Variants in ZNF536 observed in about 807,000 individuals in gnomAD.
ZNF536 encodes the protein zinc finger protein 536.
Under a neutral mutation model 84.5 loss-of-function variants are expected in ZNF536, and 13 were observed. The observed-to-expected ratio is 0.15, with a 90% CI of 0.10 to 0.24. ZNF536 has a LOEUF of 0.24. Ranked by LOEUF, ZNF536 falls within the 10% of genes least tolerant of loss-of-function variation. The pLI is 1.00. For missense variants in ZNF536, 1,536 were observed against 1,747.5 expected (o/e 0.88, Z 2.16); for synonymous variants, 811 against 742.5 (o/e 1.09, Z -1.50).
At chr19:30,495,073 G>A (rs2054664968) in intron 2 of ZNF536, among the ~76,000 whole-genome samples, 1 of 152,062 alleles carries the variant, frequency 6.6e-6, no homozygotes, top group Non-Finnish European at 1.5e-5. Flanking sequence ...TAGGCTAAGA[G>A]TCAGCAGACC....
At chr19:30,352,742 G>T (rs62101915) in intron 3 of ZNF536, among the ~76,000 whole-genome samples, 1,536 of 152,234 alleles carry the variant, frequency 0.01, 7 homozygotes, top group Middle Eastern at 0.017. Flanking sequence ...GTTTGGGGAT[G>T]GGTGGGGAAG....
chr19:30,517,714 C>T (rs761636835), intron 2 of ZNF536, among the ~76,000 whole-genome samples: 2 of 151,922 alleles, frequency 1.3e-5, no homozygotes, highest in Non-Finnish European at 2.9e-5. Context: ...CCCAGGAGGT[C>T]GAGGCTGCAG....
At chr19:30,612,369 C>A (rs1367907220) in intron 1 of ZNF536, among the ~76,000 whole-genome samples, 1 of 152,176 alleles carries the variant, frequency 6.6e-6, no homozygotes, top group Non-Finnish European at 1.5e-5. Flanking sequence ...CCCAACATTT[C>A]TATCCCCAAG....
chr19:30,680,020 G>A (rs888150170), intron 1 of ZNF536, among the ~76,000 whole-genome samples: 2 of 152,194 alleles, frequency 1.3e-5, no homozygotes, highest in East Asian at 1.9e-4. Context: ...AGGGGAGGGA[G>A]GGAGGGGTAA....
chr19:30,642,993 A>T (rs2049321507), intron 1 of ZNF536, among the ~76,000 whole-genome samples: 1 of 152,246 alleles, frequency 6.6e-6, no homozygotes, highest in African/African-American at 2.4e-5. Flanking sequence ...GCTGGGCCTT[A>T]GAAACATTGT....
At chr19:30,672,066 G>A (rs1271006235) in intron 1 of ZNF536, among the ~76,000 whole-genome samples, 1 of 152,240 alleles carries the variant, frequency 6.6e-6, no homozygotes, top group Non-Finnish European at 1.5e-5. Context: ...TGGGTCACCC[G>A]ATTCCCATCT....
At chr19:30,285,566 G>C (rs993698372) in intron 2 of ZNF536, among the ~76,000 whole-genome samples, 1 of 152,186 alleles carries the variant, frequency 6.6e-6, no homozygotes, top group East Asian at 1.9e-4. Context: ...ACCTGCTTCT[G>C]TCTGCCAGTG....
chr19:30,443,451 GA>G, intron 1 of ZNF536, 109 bp from the exon 2 acceptor site: 1 of 1,401,150 alleles, frequency 7.1e-7, no homozygotes, highest in Non-Finnish European at 9.4e-7. Flanking sequence ...TCCTTAGCAT[GA>G]TTATGTGTAG....
At chr19:30,425,196 T>G (rs1439355404) in intron 1 of ZNF536, among the ~76,000 whole-genome samples, 1 of 151,730 alleles carries the variant, frequency 6.6e-6, no homozygotes, top group East Asian at 1.9e-4. Context: ...TCTAAATAAC[T>G]TATTTATGTT....
At chr19:30,424,700 C>T (rs998034787) in intron 1 of ZNF536, among the ~76,000 whole-genome samples, 1 of 152,182 alleles carries the variant, frequency 6.6e-6, no homozygotes, top group Non-Finnish European at 1.5e-5. Flanking sequence ...TTCCGGAAGA[C>T]TCTGGAACAT....
intron 3 of ZNF536, among the ~76,000 whole-genome samples, chr19:30,545,744 T>A (rs1358770240): frequency 3.3e-5 from 5 of 152,108 alleles, no homozygotes; most frequent in Admixed American, 3.3e-4. Flanking sequence ...GACACACACA[T>A]CCTCTGTGCA....
intron 2 of ZNF536, among the ~76,000 whole-genome samples, chr19:30,485,269 C>T (rs1289177640): frequency 5.3e-5 from 8 of 152,156 alleles, no homozygotes; most frequent in Non-Finnish European, 5.9e-5. Flanking sequence ...TTCCTTCAAG[C>T]CTCTAGCTAT....
chr19:30,447,243 T>C, intron 2 of ZNF536, among the ~76,000 whole-genome samples: 1 of 152,230 alleles, frequency 6.6e-6, no homozygotes, highest in Non-Finnish European at 1.5e-5. Context: ...TATTTCGATC[T>C]TGGAGGCAAT....
upstream of ZNF536, among the ~76,000 whole-genome samples, chr19:30,226,194 C>T (rs2022602701): frequency 6.6e-6 from 1 of 150,436 alleles, no homozygotes; most frequent in South Asian, 2.1e-4. The surrounding 1 kb of genome is among the most constrained non-coding windows in gnomAD (Gnocchi z 4.6). Flanking sequence ...CTCTCAGGCC[C>T]CGGGAAACTT....
chr19:30,336,978 A>G (rs989037424), intron 2 of ZNF536, among the ~76,000 whole-genome samples: 1 of 152,098 alleles, frequency 6.6e-6, no homozygotes, highest in African/African-American at 2.4e-5. Context: ...GTTGGGTCTC[A>G]GCCGTGAGAA....
intron 1 of ZNF536, among the ~76,000 whole-genome samples, chr19:30,673,704 A>C (rs2050647592): frequency 6.6e-6 from 1 of 152,070 alleles, no homozygotes; most frequent in African/African-American, 2.4e-5. Context: ...ACACATCCCA[A>C]CCTAACTCTC....
intron 1 of ZNF536, among the ~76,000 whole-genome samples, chr19:30,396,261 T>G (rs2049812817): frequency 6.6e-6 from 1 of 152,180 alleles, no homozygotes; most frequent in Non-Finnish European, 1.5e-5. Flanking sequence ...TGCCTGTAGA[T>G]GGGAATTTGG....
chr19:30,677,085 C>A (rs1257686897), intron 1 of ZNF536, among the ~76,000 whole-genome samples: 1 of 152,180 alleles, frequency 6.6e-6, no homozygotes, highest in Admixed American at 6.5e-5. Flanking sequence ...AGTTCTGAAG[C>A]TTCTAGATGT....
At chr19:30,505,358 TATA>T (rs34729096) in intron 2 of ZNF536, among the ~76,000 whole-genome samples, 16,074 of 147,336 alleles carry the variant, frequency 0.11, 1,036 homozygotes, top group Non-Finnish European at 0.15. Flanking sequence ...AAATATATAT[TATA>T]ATGATATATG....
Sources: allele counts gnomAD v4.1 joint callset (sites outside exome capture counted in the v4.1 genomes callset), GRCh38; gene constraint gnomAD v4.1.1; non-coding constraint Gnocchi (gnomAD v3.1); transcripts MANE v1.5; gene names NCBI Gene and HGNC (gene_info 2026-07-23, HGNC 2026-07-21).